The following SEMA6D variants were observed in gnomAD, a reference collection of about 807,000 sequenced individuals.
SEMA6D encodes the protein semaphorin-6D.
In SEMA6D, 35 loss-of-function variants were observed where a neutral mutation model predicts 106.6. The observed-to-expected ratio is 0.33, with a 90% CI of 0.25 to 0.44. The LOEUF (loss-of-function observed/expected upper bound fraction) is 0.44, where lower values mean the gene tolerates loss of function less well. SEMA6D is among the 20% of genes least tolerant of loss of function. The probability of loss-of-function intolerance (pLI) is 1.00; values close to 1 mark genes in which losing one functional copy is unlikely to be tolerated. For synonymous variants in SEMA6D, 499 were observed against 487.7 expected (o/e 1.02, Z -0.31); for missense variants, 1,185 against 1,345.9 (o/e 0.88, Z 1.87).
intron 4 of SEMA6D, among the ~76,000 whole-genome samples, chr15:47,608,946 C>T (rs553083608): frequency 6.6e-6 from 1 of 152,236 alleles, no homozygotes; most frequent in African/African-American, 2.4e-5. Context: ...GAACACTCTG[C>T]TTTTTTCTAG....
At chr15:47,709,308 G>C (rs1265697523) in intron 4 of SEMA6D, among the ~76,000 whole-genome samples, 1 of 152,130 alleles carries the variant, frequency 6.6e-6, no homozygotes, top group Non-Finnish European at 1.5e-5. Context: ...AAAGGCCCCA[G>C]AGTAACTGGC....
intron 1 of SEMA6D, among the ~76,000 whole-genome samples, chr15:47,271,620 G>T (rs189233888): frequency 6.6e-6 from 1 of 152,160 alleles, no homozygotes; most frequent in East Asian, 1.9e-4. Flanking sequence ...ACTCTTGTTG[G>T]TGCTCTTCCT....
chr15:47,392,776 G>A (rs191459461), intron 1 of SEMA6D, among the ~76,000 whole-genome samples: 128 of 152,290 alleles, frequency 8.4e-4, no homozygotes, highest in South Asian at 3.3e-3. Context: ...AGATGCTCTA[G>A]AGAGTTCAGG....
At chr15:47,624,736 A>G (rs2077171871) in intron 4 of SEMA6D, among the ~76,000 whole-genome samples, 1 of 152,238 alleles carries the variant, frequency 6.6e-6, no homozygotes, top group South Asian at 2.1e-4. Flanking sequence ...AAGAAAATGC[A>G]GGACAAATTC....
chr15:47,311,793 C>G (rs888492193), intron 1 of SEMA6D, among the ~76,000 whole-genome samples: 1 of 152,142 alleles, frequency 6.6e-6, no homozygotes, highest in Non-Finnish European at 1.5e-5. Context: ...TATGGGAAAT[C>G]TCTTTCGGTG....
At chr15:47,271,898 T>A (rs2142281496) in intron 1 of SEMA6D, among the ~76,000 whole-genome samples, 1 of 152,324 alleles carries the variant, frequency 6.6e-6, no homozygotes, top group South Asian at 2.1e-4. Flanking sequence ...AAGTTCACAT[T>A]CTTATGTAGG....
intron 4 of SEMA6D, among the ~76,000 whole-genome samples, chr15:47,663,671 C>T (rs919154873): frequency 6.6e-5 from 10 of 152,188 alleles, no homozygotes; most frequent in Admixed American, 3.9e-4. Context: ...CAGAAGATCC[C>T]GATGTTTTGT....
intron 1 of SEMA6D, among the ~76,000 whole-genome samples, chr15:47,758,460 G>T (rs1003244461): frequency 1.3e-5 from 2 of 152,036 alleles, no homozygotes; most frequent in African/African-American, 4.8e-5. Context: ...GGGTGTTATT[G>T]TTGCAAAGTA....
rs181226981 is a variant in SEMA6D, at chr15:47,230,966, C to G, written c.-239+46548C>G. Among the ~76,000 whole-genome samples the G allele has an allele frequency of 2.8e-3, 419 of 152,050 alleles. 3 individuals carry two copies. Among genetic ancestry groups the G allele is most frequent in the African/African-American group, 9.7e-3 (401 of 41,498 alleles). On this transcript the variant is annotated intron_variant, in intron 1 of 19. Coordinates refer to the SEMA6D transcript ENST00000558014. ...CTAGTGAGACTTTAACAGGCCTTTCCTCTGTTTTACTTTTTACCCCCTTTC... is the reference window on the plus strand; with the variant it reads ...CTAGTGAGACTTTAACAGGCCTTTCGTCTGTTTTACTTTTTACCCCCTTTC...
chr15:47,764,492 C>G, intron 11 of SEMA6D, 146 bp from the exon 12 acceptor site: 1 of 1,261,890 alleles, frequency 7.9e-7, no homozygotes, highest in Non-Finnish European at 1.1e-6. Context: ...CCATTGAATT[C>G]AGGGGCATAG....
chr15:47,685,121 G>A (rs2078441784), intron 4 of SEMA6D, among the ~76,000 whole-genome samples: 1 of 152,176 alleles, frequency 6.6e-6, no homozygotes, highest in Non-Finnish European at 1.5e-5. Flanking sequence ...CCTAAGAGCA[G>A]ATGAGATCAA....
At chr15:47,584,260 T>C (rs1364716425) in intron 3 of SEMA6D, among the ~76,000 whole-genome samples, 1 of 152,068 alleles carries the variant, frequency 6.6e-6, no homozygotes, top group East Asian at 1.9e-4. Flanking sequence ...CCTTCTCTAC[T>C]AAAAATGCAA....
At chr15:47,352,019 TGAA>T (rs1257074970) in intron 1 of SEMA6D, among the ~76,000 whole-genome samples, 1 of 152,166 alleles carries the variant, frequency 6.6e-6, no homozygotes, top group Non-Finnish European at 1.5e-5. Flanking sequence ...GTCCTCTTGC[TGAA>T]GGAGTAAATG....
chr15:47,213,007 A>C (rs2037142), intron 1 of SEMA6D, among the ~76,000 whole-genome samples: 136,705 of 152,220 alleles, frequency 0.9, 62,073 homozygotes, highest in Non-Finnish European at 0.96. Flanking sequence ...CCTTTTTGGA[A>C]CCCGCATAAG....
At chr15:47,525,337 A>G (rs2044715942) in intron 3 of SEMA6D, 2 of 152,246 alleles carry the variant, frequency 1.3e-5, no homozygotes, top group African/African-American at 4.8e-5. Flanking sequence ...CAACTGCTTC[A>G]TCATGAGACA....
intron 1 of SEMA6D, among the ~76,000 whole-genome samples, chr15:47,733,332 C>T (rs1172322974): frequency 6.6e-6 from 1 of 152,172 alleles, no homozygotes; most frequent in African/African-American, 2.4e-5. Flanking sequence ...CCTAAGACAT[C>T]ATAAAACACA....
At chr15:47,732,127 A>G (rs995772237) in intron 1 of SEMA6D, among the ~76,000 whole-genome samples, 4 of 152,238 alleles carry the variant, frequency 2.6e-5, no homozygotes, top group African/African-American at 9.6e-5. Flanking sequence ...TAAGGTGCTC[A>G]GTCATGTTGG....
intron 1 of SEMA6D, among the ~76,000 whole-genome samples, chr15:47,223,899 G>T (rs1441031083): frequency 6.6e-6 from 1 of 151,962 alleles, no homozygotes; most frequent in African/African-American, 2.4e-5. Flanking sequence ...ATTATAATTT[G>T]TGAATCTTAG....
At chr15:47,391,616 C>T (rs2040034347) in intron 1 of SEMA6D, among the ~76,000 whole-genome samples, 1 of 151,202 alleles carries the variant, frequency 6.6e-6, no homozygotes, top group Non-Finnish European at 1.5e-5. Flanking sequence ...GCACATTTCA[C>T]AAAGAGGCCC....
Sources: gnomAD v4.1 joint callset for allele counts (sites outside exome capture counted in the v4.1 genomes callset) on GRCh38, gnomAD v4.1.1 for gene constraint, MANE v1.5 for transcripts, NCBI Gene and HGNC (gene_info 2026-07-23, HGNC 2026-07-21) for gene names.